Variants in PPP2R2B observed in about 807,000 individuals in gnomAD.
PPP2R2B encodes the protein serine/threonine-protein phosphatase 2A 55 kDa regulatory subunit B beta isoform.
In PPP2R2B, 5 loss-of-function variants were observed where a neutral mutation model predicts 46.0. The ratio of observed to expected loss-of-function variants is 0.11; its 90% CI spans 0.06 to 0.23. The LOEUF is 0.23. Among genes scored for constraint, PPP2R2B ranks in the 10% least tolerant of loss-of-function variants. The pLI is 1.00. For missense variants in PPP2R2B, 367 were observed against 575.0 expected, an observed-to-expected ratio of 0.64 and a Z score of 3.70; for synonymous variants, 215 against 206.7, an observed-to-expected ratio of 1.04 and a Z score of -0.34.
chr5:146,717,097 G>A (rs1780541007), intron 2 of PPP2R2B, among the ~76,000 whole-genome samples: 1 of 152,192 alleles, frequency 6.6e-6, no homozygotes, highest in South Asian at 2.1e-4. Context: ...TTAGCTTAAA[G>A]TCACACATGT....
chr5:146,670,269 T>A (rs111779691), intron 5 of PPP2R2B, among the ~76,000 whole-genome samples: 80 of 152,206 alleles, frequency 5.3e-4, no homozygotes, highest in African/African-American at 1.8e-3. Flanking sequence ...AACTGGCTTT[T>A]AAAAAAATCA....
At chr5:146,641,388 C>G (rs1417453575) in intron 6 of PPP2R2B, among the ~76,000 whole-genome samples, 1 of 152,146 alleles carries the variant, frequency 6.6e-6, no homozygotes, top group Non-Finnish European at 1.5e-5. Context: ...AAAAGACCCC[C>G]AGCTAATCTG....
At chr5:146,853,896 C>T (rs1376716278) in intron 2 of PPP2R2B, among the ~76,000 whole-genome samples, 4 of 152,002 alleles carry the variant, frequency 2.6e-5, no homozygotes, top group Admixed American at 2.6e-4. Context: ...CATCTGCTTC[C>T]TCATGAGCCC....
intron 1 of PPP2R2B, among the ~76,000 whole-genome samples, chr5:146,966,210 G>A (rs78274660): frequency 0.018 from 2,789 of 152,242 alleles, 63 homozygotes; most frequent in African/African-American, 0.063. Flanking sequence ...CGTTAATGTT[G>A]TCATTGTTTA....
At chr5:146,935,690 GA>G (rs1179587845) in intron 1 of PPP2R2B, among the ~76,000 whole-genome samples, 4 of 151,882 alleles carry the variant, frequency 2.6e-5, no homozygotes, top group Non-Finnish European at 5.9e-5. Flanking sequence ...CAAGAAAAGA[GA>G]AAAAAAGTTC....
chr5:146,962,221 TCAGTTCAAA>T (rs1419580137), intron 1 of PPP2R2B, among the ~76,000 whole-genome samples: 8 of 149,828 alleles, frequency 5.3e-5, no homozygotes, highest in Non-Finnish European at 1.0e-4. Context: ...TTTCTTTGGG[TCAGTTCAAA>T]TTGATCATGC....
At chr5:146,872,243 C>T (rs1354472102) in intron 2 of PPP2R2B, among the ~76,000 whole-genome samples, 1 of 152,186 alleles carries the variant, frequency 6.6e-6, no homozygotes, top group Non-Finnish European at 1.5e-5. Context: ...ATTTTCAATG[C>T]ATTCTGGTTA....
chr5:146,747,338 T>C (rs1161969767), intron 2 of PPP2R2B, among the ~76,000 whole-genome samples: 1 of 152,186 alleles, frequency 6.6e-6, no homozygotes, highest in Non-Finnish European at 1.5e-5. Flanking sequence ...TCTACTTTGC[T>C]TTGCTCTGGA....
chr5:146,898,866 A>G (rs896610557), intron 1 of PPP2R2B, among the ~76,000 whole-genome samples: 2 of 140,714 alleles, frequency 1.4e-5, no homozygotes, highest in Non-Finnish European at 3.0e-5. Flanking sequence ...CAAAAAACAC[A>G]TGAAGAAATG....
At chr5:147,040,259 T>C (rs981025192) in intron 1 of PPP2R2B, among the ~76,000 whole-genome samples, 1 of 152,204 alleles carries the variant, frequency 6.6e-6, no homozygotes, top group Non-Finnish European at 1.5e-5. Flanking sequence ...TAAATAATTT[T>C]GTATGATACC....
chr5:146,651,903 A>C (rs1171621494), intron 5 of PPP2R2B, among the ~76,000 whole-genome samples: 1 of 152,222 alleles, frequency 6.6e-6, no homozygotes, highest in Non-Finnish European at 1.5e-5. Context: ...CTCCCAGTTC[A>C]GACTTGAGGG....
At chr5:147,010,933 C>T (rs948820714) in intron 1 of PPP2R2B, among the ~76,000 whole-genome samples, 29 of 152,174 alleles carry the variant, frequency 1.9e-4, no homozygotes, top group Non-Finnish European at 2.4e-4. Context: ...ATTCTTCACA[C>T]AGAAGCCGGG....
chr5:146,812,811 A>ATATATATG (rs1757692111), intron 2 of PPP2R2B, among the ~76,000 whole-genome samples: 6 of 67,388 alleles, frequency 8.9e-5, no homozygotes, highest in Non-Finnish European at 1.4e-4. Context: ...ATATATATAT[A>ATATATATG]TATATATATA....
intron 1 of PPP2R2B, among the ~76,000 whole-genome samples, chr5:147,047,457 A>AC (rs1380564255): frequency 2.0e-5 from 3 of 151,664 alleles, no homozygotes; most frequent in Admixed American, 1.3e-4. Flanking sequence ...CTTAAACTCC[A>AC]CCCCCCAAAA....
intron 7 of PPP2R2B, among the ~76,000 whole-genome samples, chr5:146,615,834 A>G (rs1300774738): frequency 1.3e-5 from 2 of 152,196 alleles, no homozygotes; most frequent in African/African-American, 2.4e-5. Flanking sequence ...CAGTCTACAG[A>G]TTTAATGGAA....
At chr5:146,710,542 C>A (rs1396689306) in intron 2 of PPP2R2B, among the ~76,000 whole-genome samples, 2 of 152,218 alleles carry the variant, frequency 1.3e-5, no homozygotes, top group Admixed American at 1.3e-4. Flanking sequence ...TTATAAGTCT[C>A]TGAGTACAGA....
chr5:146,620,968 C>T (rs1184479563), intron 7 of PPP2R2B, among the ~76,000 whole-genome samples: 9 of 152,216 alleles, frequency 5.9e-5, no homozygotes, highest in Non-Finnish European at 7.3e-5. Flanking sequence ...AGGCTGTCTA[C>T]ATAATCACTG....
At chr5:146,595,978 A>G (rs994670051) in intron 8 of PPP2R2B, among the ~76,000 whole-genome samples, 1 of 152,174 alleles carries the variant, frequency 6.6e-6, no homozygotes, top group African/African-American at 2.4e-5. Context: ...AGCCAACTCT[A>G]TTGGTCCGTT....
At chr5:146,982,468 G>T (rs909701723) in intron 1 of PPP2R2B, among the ~76,000 whole-genome samples, 1 of 152,070 alleles carries the variant, frequency 6.6e-6, no homozygotes, top group Non-Finnish European at 1.5e-5. Flanking sequence ...CCAGGTTATG[G>T]TCTAGGTCCC....
Sources: gnomAD v4.1 joint callset for allele counts (sites outside exome capture counted in the v4.1 genomes callset) on GRCh38, gnomAD v4.1.1 for gene constraint, MANE v1.5 for transcripts, NCBI Gene and HGNC (gene_info 2026-07-23, HGNC 2026-07-21) for gene names.